Variants in STRC observed in about 807,000 individuals in gnomAD.
The protein encoded by STRC is stereocilin.
In STRC, 43 loss-of-function variants were observed where a neutral mutation model predicts 103.5. The ratio of observed to expected loss-of-function variants is 0.42; its 90% CI spans 0.33 to 0.54. STRC has a LOEUF of 0.54. Among genes scored for constraint, STRC ranks in the 20% least tolerant of loss-of-function variants. STRC has a pLI of 0.14. For missense variants in STRC, 499 were observed against 1,088.5 expected, an observed-to-expected ratio of 0.46 and a Z score of 7.62; for synonymous variants, 186 against 442.3, an observed-to-expected ratio of 0.42 and a Z score of 7.27.
intron 18 of STRC, among the ~76,000 whole-genome samples, 157 bp from the exon 19 acceptor site, chr15:43,605,556 C>T (rs1231147707): frequency 6.6e-6 from 1 of 150,994 alleles, no homozygotes; most frequent in Non-Finnish European, 1.5e-5. Flanking sequence ...GGGCCAATTC[C>T]CACCATCAAG....
intron 18 of STRC, among the ~76,000 whole-genome samples, chr15:43,607,026 A>G (rs2085715544): frequency 6.6e-6 from 1 of 150,664 alleles, no homozygotes. Context: ...AAAAAAAAGA[A>G]AAAAGTAGGA....
chr15:43,605,401 T>G lies in STRC; in HGVS notation c.3795-2A>C. The stretch of plus-strand genomic sequence containing the variant: ...GATAGTCTGTCCATCAACTGGATCC[T>G]ATTACAGCAATTTGACAACAACAGG... On this transcript the variant is annotated splice_acceptor_variant, in intron 18 of 28. Coordinates refer to ENST00000450892, the MANE Select transcript of STRC (RefSeq NM_153700.2). LOFTEE classifies it high-confidence loss of function. The G allele has an allele frequency of 6.2e-7, 1 of 1,600,948 alleles. No homozygotes were observed. The highest frequency in any genetic ancestry group is 2.2e-5 in the East Asian group (1 of 44,702).
Position 43,607,926 on chromosome 15 carries a change from G to A in STRC, c.3731C>T (p.Pro1244Leu). ...ELQRRMAMPE[P>L]EWTTVGPELN... ...TTCTGGCCCTACAGTTGTCCATTCT[G>A]GTTCTGGCATTGCCATCCTCCGCTG... The change falls in exon 18 of 29, where the codon CCA becomes CTA. Residue 1244 changes from proline (P) to leucine (L), a missense_variant. Transcript: ENST00000450892. 6.2e-7 allele frequency: 1 copy of A among 1,607,590 alleles called. No individual in the cohort carries two copies. The highest frequency in any genetic ancestry group is 2.2e-5 in the East Asian group (1 of 44,678).
At position 43,603,985 on chromosome 15, in the gene STRC, G is replaced by A; in HGVS notation, c.4375+11C>T. On this transcript the variant is annotated intron_variant, in intron 22 of 28. Coordinates refer to ENST00000450892, the MANE Select transcript of STRC (RefSeq NM_153700.2). ...ATCCTGCTGGACATATAAGTATTTGGGTAGTTTCACCTGGAAGATCCTCAG... is the reference window on the plus strand; with the variant it reads ...ATCCTGCTGGACATATAAGTATTTGAGTAGTTTCACCTGGAAGATCCTCAG... 1.9e-6 allele frequency: 3 copies of A among 1,612,678 alleles called. No homozygotes were observed. The highest frequency in any genetic ancestry group is 2.5e-6 in the Non-Finnish European group (3 of 1,179,522).
rs756307437 is a variant in STRC, at chr15:43,604,019, C to T, written c.4352G>A (p.Arg1451Gln). The T allele has an allele frequency of 6.2e-6, 10 of 1,613,012 alleles. No individual in the cohort carries two copies. Among genetic ancestry groups the T allele is most frequent in the Middle Eastern group, 1.7e-4 (1 of 5,836 alleles). Residue 1451 changes from arginine (R) to glutamine (Q), a missense_variant, in exon 22 of 29, where the codon CGA becomes CAA. Coordinates refer to ENST00000450892, the MANE Select transcript of STRC (RefSeq NM_153700.2). Reference sequence around the variant, plus strand: ...ACCTGGAAGATCCTCAGCAGCTGGTCGCACCACCCCTGCTACCAGGGCTGC... The same window carrying T: ...ACCTGGAAGATCCTCAGCAGCTGGTTGCACCACCCCTGCTACCAGGGCTGC... The part of the protein sequence containing the change: ...KKAALVAGVV[R>Q]PAAEDLPEPV...
Position 43,603,105 on chromosome 15 carries a change from AC to A in STRC, c.4545+136del, listed in dbSNP as rs900737908. The A allele has an allele frequency of 1.2e-4, 111 of 913,928 alleles. No individual in the cohort carries two copies. The African/African-American group carries it at 1.6e-3, about 14-fold the overall frequency. The allele number at this position is 913,928 out of a possible 1,614,324, so 56.6% of individuals were successfully genotyped here. A position where few individuals can be genotyped will look rare whatever the true frequency, so the allele number is the denominator to read the frequency against. The stretch of plus-strand genomic sequence containing the variant: ...CAATATTTATCTCCCTTCACCTCCT[AC>A]TTGTGACCCAAATCTTCTAACTCTT... On this transcript the variant is annotated intron_variant, in intron 23 of 28. Coordinates refer to ENST00000450892, the MANE Select transcript of STRC (RefSeq NM_153700.2).
At position 43,601,405 on chromosome 15, in the gene STRC, G is replaced by A; in HGVS notation, c.4692C>T (p.Ser1564=). ...LSTLGQIDGW[S]TTQLRIVVSS... ...GGAGGAAAAGTGTTACCTGAGTGGT[G>A]CTCCAGCCATCTATCTGCCCCAGGG... The change falls in exon 24 of 29, where the codon AGC becomes AGT. Residue 1564 remains serine (S), a synonymous_variant. Transcript: ENST00000450892. 2 of 1,613,446 alleles carry A rather than the reference G, an allele frequency of 1.2e-6. No homozygotes were observed. Among genetic ancestry groups the A allele is most frequent in the East Asian group, 2.2e-5 (1 of 44,852 alleles).
chr15:43,602,121 CAAAAAAAA>C (rs35561492), intron 23 of STRC, among the ~76,000 whole-genome samples: 2 of 38,286 alleles, frequency 5.2e-5, no homozygotes, highest in East Asian at 9.1e-4. Context: ...GACTCTGTCT[CAAAAAAAA>C]AAAAAAAAAA....
chr15:43,603,527 G>C, intron 22 of STRC, 116 bp from the exon 23 acceptor site: 5 of 1,124,116 alleles, frequency 4.4e-6, no homozygotes, highest in Non-Finnish European at 6.7e-6. Context: ...GTGAGAAATA[G>C]GGATCAAAGG....
chr15:43,603,525 T>C (rs941104657), intron 22 of STRC, 114 bp from the exon 23 acceptor site: 9 of 1,166,262 alleles, frequency 7.7e-6, no homozygotes, highest in African/African-American at 4.4e-5. Flanking sequence ...CTGTGAGAAA[T>C]AGGGATCAAA....
At chr15:43,604,223 C>G in intron 21 of STRC, 71 bp from the exon 22 acceptor site, 1 of 1,603,616 alleles carries the variant, frequency 6.2e-7, no homozygotes, top group Middle Eastern at 1.9e-4. Context: ...GCTCTAAGTC[C>G]AAAGTCCTGT....
chr15:43,600,814 T>C (rs1168641910), intron 25 of STRC, 58 bp downstream of exon 25: 5 of 1,613,356 alleles, frequency 3.1e-6, no homozygotes, highest in Non-Finnish European at 4.2e-6. Context: ...GATCCTTCTT[T>C]CCCCAGTAAG....
intron 18 of STRC, among the ~76,000 whole-genome samples, chr15:43,606,963 G>C (rs1398092551): frequency 8.3e-6 from 1 of 119,790 alleles, no homozygotes; most frequent in Non-Finnish European, 1.7e-5. Flanking sequence ...TCACGTCACT[G>C]CACTCCAGCC....
At chr15:43,609,745 C>G in intron 15 of STRC, 1 of 194,012 alleles carries the variant, frequency 5.2e-6, no homozygotes, top group South Asian at 9.3e-5. Context: ...AAAAATTGGC[C>G]GGGCATGGTG....
At chr15:43,606,354 C>G (rs1452843164) in intron 18 of STRC, among the ~76,000 whole-genome samples, 139 of 94,508 alleles carry the variant, frequency 1.5e-3, no homozygotes, top group African/African-American at 5.1e-3. Flanking sequence ...GTAATCCCAG[C>G]ACTTTGGGAG....
rs779640179 is a variant in STRC at position 43,601,502 on chromosome 15, C to G, written c.4595G>C (p.Gly1532Ala). 1.9e-6 allele frequency: 3 copies of G among 1,613,724 alleles called. No individual in the cohort carries two copies. In the African/African-American group the frequency reaches 4.0e-5, roughly 22 times the overall value. Residue 1532 changes from glycine to alanine, a missense_variant, in exon 24 of 29, where the codon GGT (glycine) becomes GCT (alanine). Gly to Ala is a moderately conservative substitution (Grantham distance 60). Transcript: ENST00000450892. ...ATCTCCTAGACCTATTAAGAGCCTA[C>G]CAAGCTGCAGGATCTGCTCAGGACG... The part of the protein sequence containing the change: ...GFRPEQILQL[G>A]RLLIGLGDRE...
Position 43,604,402 on chromosome 15 carries a change from C to T in STRC, c.4177G>A (p.Val1393Ile). The T allele has an allele frequency of 6.3e-7, 1 of 1,587,258 alleles. No homozygotes were observed. Among genetic ancestry groups the T allele is most frequent in the Non-Finnish European group, 8.6e-7 (1 of 1,163,322 alleles). ...QDEVEQAGRL[V>I]FTLSTEAISL... ...ATTGCCTCAGTAGACAGAGTGAATACTAGGCGTCCAGCTTGCTCTACTTCA... is the reference window on the plus strand; with the variant it reads ...ATTGCCTCAGTAGACAGAGTGAATATTAGGCGTCCAGCTTGCTCTACTTCA... The change falls in exon 21 of 29, where the codon GTA (valine) becomes ATA (isoleucine). Residue 1393 changes from valine to isoleucine, a missense_variant. Coordinates refer to ENST00000450892, the MANE Select transcript of STRC (RefSeq NM_153700.2).
rs370125122 is a variant in STRC at position 43,608,070 on chromosome 15, C to G, written c.3681+10G>C. The G allele has an allele frequency of 5.1e-5, 82 of 1,610,550 alleles. No homozygotes were observed. Among genetic ancestry groups the G allele is most frequent in the Non-Finnish European group, 6.6e-5 (78 of 1,179,462 alleles). ...CCTGCTCCCACTAAAGTCCAGGCACCCCCTCTCACCAGGCTCCCTCGAACT... is the reference window on the plus strand; with the variant it reads ...CCTGCTCCCACTAAAGTCCAGGCACGCCCTCTCACCAGGCTCCCTCGAACT... On this transcript the variant is annotated intron_variant, in intron 17 of 28. Coordinates refer to ENST00000450892, the MANE Select transcript of STRC (RefSeq NM_153700.2).
At position 43,608,071 on chromosome 15, in the gene STRC, C is replaced by A. The variant is rs759780548; in HGVS notation, c.3681+9G>T. The A allele has an allele frequency of 2.1e-5, 34 of 1,610,546 alleles. No individual in the cohort carries two copies. Among genetic ancestry groups the A allele is most frequent in the African/African-American group, 2.8e-5 (2 of 72,598 alleles). On this transcript the variant is annotated intron_variant, in intron 17 of 28. Transcript: ENST00000450892. Reference sequence around the variant, plus strand: ...CTGCTCCCACTAAAGTCCAGGCACCCCCTCTCACCAGGCTCCCTCGAACTC... The same window carrying A: ...CTGCTCCCACTAAAGTCCAGGCACCACCTCTCACCAGGCTCCCTCGAACTC...
Sources: allele counts gnomAD v4.1 joint callset (sites outside exome capture counted in the v4.1 genomes callset), GRCh38; gene constraint gnomAD v4.1.1; transcripts MANE v1.5; gene names NCBI Gene and HGNC (gene_info 2026-07-23, HGNC 2026-07-21).